The following U2AF2 variants were observed in gnomAD, a reference collection of about 807,000 sequenced individuals.
U2AF2 encodes the protein splicing factor U2AF 65 kDa subunit.
U2AF2 carries 6 observed loss-of-function variants against 52.6 expected under a neutral mutation model. The ratio of observed to expected loss-of-function variants is 0.11; its 90% CI spans 0.06 to 0.23. U2AF2 has a LOEUF of 0.23. Ranked by LOEUF, U2AF2 falls within the 10% of genes least tolerant of loss-of-function variation. The pLI is 1.00. For missense variants in U2AF2, 222 were observed against 677.1 expected, an observed-to-expected ratio of 0.33 and a Z score of 7.46; for synonymous variants, 284 against 258.2, an observed-to-expected ratio of 1.10 and a Z score of -0.96.
chr19:55,672,941 C>A (rs1985014520), intron 11 of U2AF2, among the ~76,000 whole-genome samples: 1 of 151,612 alleles, frequency 6.6e-6, no homozygotes, highest in South Asian at 2.1e-4. Context: ...CCGCGCCCGG[C>A]CAATAATTTT....
At chr19:55,662,690 T>C in intron 6 of U2AF2, 72 bp downstream of exon 6, 2 of 1,370,136 alleles carry the variant, frequency 1.5e-6, no homozygotes, top group East Asian at 2.3e-5. Flanking sequence ...GCTGATGTTG[T>C]GTGGAGCTGC....
At chr19:55,663,205 T>A (rs922237184) in intron 6 of U2AF2, among the ~76,000 whole-genome samples, 2 of 152,188 alleles carry the variant, frequency 1.3e-5, no homozygotes, top group African/African-American at 4.8e-5. Context: ...TCTCACTCTG[T>A]CTTTGCCTCA....
chr19:55,663,608 C>G lies in U2AF2; in HGVS notation c.606C>G (p.Phe202Leu). The G allele has an allele frequency of 6.2e-7, 1 of 1,614,000 alleles. No homozygotes were observed. The highest frequency in any genetic ancestry group is 8.5e-7 in the Non-Finnish European group (1 of 1,179,926). Residue 202 changes from phenylalanine (F) to leucine (L), a missense_variant and splice_region_variant, in exon 7 of 12, where the codon TTC becomes TTG. Transcript: ENST00000308924. ...NQDKNFAFLE[F>L]RSVDETTQAM... ...CCACTCCTTTCTCTTTCATTCAGTT[C>G]CGCTCAGTGGACGAGACTACCCAGG...
intron 4 of U2AF2, 101 bp from the exon 5 acceptor site, chr19:55,660,937 A>G: frequency 6.7e-7 from 1 of 1,484,434 alleles, no homozygotes; most frequent in South Asian, 1.4e-5. Flanking sequence ...GAGAGCCTGT[A>G]GGAGCTTTCT....
chr19:55,667,487 A>G (rs1234137460), intron 7 of U2AF2, among the ~76,000 whole-genome samples: 1 of 152,102 alleles, frequency 6.6e-6, no homozygotes, highest in African/African-American at 2.4e-5. Flanking sequence ...GAATCATCCC[A>G]CCAGCAGGCA....
At chr19:55,666,469 A>AC (rs1984556738) in intron 7 of U2AF2, among the ~76,000 whole-genome samples, 1 of 152,016 alleles carries the variant, frequency 6.6e-6, no homozygotes, top group Non-Finnish European at 1.5e-5. Context: ...ACAGCGGCTG[A>AC]CCCCACTGAC....
At chr19:55,672,166 T>C (rs968946255) in intron 11 of U2AF2, 2 of 152,144 alleles carry the variant, frequency 1.3e-5, no homozygotes, top group African/African-American at 2.4e-5. Flanking sequence ...TGTATTGTTT[T>C]ATTCTTAAAT....
chr19:55,657,433 T>C (rs1397105869), intron 1 of U2AF2, among the ~76,000 whole-genome samples: 1 of 152,228 alleles, frequency 6.6e-6, no homozygotes, highest in Non-Finnish European at 1.5e-5. Context: ...CTGCTACCTG[T>C]ATCTACAGGG....
intron 11 of U2AF2, 108 bp downstream of exon 11, chr19:55,669,800 C>G (rs114185454): frequency 1.4e-6 from 2 of 1,427,012 alleles, no homozygotes; most frequent in East Asian, 5.0e-5. Flanking sequence ...CTCTTCTCCG[C>G]GCGCTCTTTC....
At chr19:55,662,242 G>A (rs906685549) in intron 5 of U2AF2, 3 of 378,574 alleles carry the variant, frequency 7.9e-6, no homozygotes, top group Non-Finnish European at 1.4e-5. Context: ...GGCCCCTGTG[G>A]CTGTCCCCCA....
At chr19:55,658,323 C>T (rs1267749286) in intron 1 of U2AF2, among the ~76,000 whole-genome samples, 1 of 135,334 alleles carries the variant, frequency 7.4e-6, no homozygotes, top group Non-Finnish European at 1.6e-5. Flanking sequence ...ATGGTTTATC[C>T]TCCATCTTGA....
rs139894194 is a variant in U2AF2, at chr19:55,667,438, C to T, written c.743-1069C>T. The stretch of plus-strand genomic sequence containing the variant: ...GCATAGCTGATATCTGACAGGACGG[C>T]GTCAAGTTACATTGGCAGAGCCTGT... On this transcript the variant is annotated intron_variant, in intron 7 of 11. Transcript: ENST00000308924. Among the ~76,000 whole-genome samples the T allele has an allele frequency of 3.8e-3, 578 of 152,186 alleles. 3 individuals carry two copies. The highest frequency in any genetic ancestry group is 0.013 in the African/African-American group (550 of 41,512).
intron 1 of U2AF2, among the ~76,000 whole-genome samples, chr19:55,657,233 A>G (rs569441614): frequency 2.6e-5 from 4 of 152,330 alleles, no homozygotes; most frequent in African/African-American, 4.8e-5. Flanking sequence ...AGCTGCTCCC[A>G]TAAGATGACC....
At position 55,669,001 on chromosome 19, in the gene U2AF2, C is replaced by T. The variant is rs1227239889; in HGVS notation, c.946-82C>T. ...TTCCCCTCTTCCCCCACCAATGCCCCGGCTTGGGGGTAGGTGTCGGGCTCC... is the reference window on the plus strand; with the variant it reads ...TTCCCCTCTTCCCCCACCAATGCCCTGGCTTGGGGGTAGGTGTCGGGCTCC... On this transcript the variant is annotated intron_variant, in intron 9 of 11. Coordinates refer to ENST00000308924, the MANE Select transcript of U2AF2 (RefSeq NM_007279.3). The T allele has an allele frequency of 7.6e-5, 116 of 1,528,868 alleles. No individual in the cohort carries two copies. In the East Asian group the frequency reaches 8.2e-4, roughly 11 times the overall value. 94.7% of individuals were successfully genotyped at this position (1,528,868 alleles called of 1,614,324 possible). A position where few individuals can be genotyped will look rare whatever the true frequency, so the allele number is the denominator to read the frequency against.
intron 2 of U2AF2, 84 bp from the exon 3 acceptor site, chr19:55,660,093 C>T: frequency 2.2e-6 from 3 of 1,377,192 alleles, no homozygotes; most frequent in Non-Finnish European, 3.0e-6. Flanking sequence ...CCCTGGGGCT[C>T]AGTGCCCTTG....
At position 55,674,114 on chromosome 19, in the gene U2AF2, C is replaced by A; in HGVS notation, c.*46C>A. 1 of 1,539,820 alleles carries A rather than the reference C, an allele frequency of 6.5e-7. No individual in the cohort carries two copies. Among genetic ancestry groups the A allele is most frequent in the Non-Finnish European group, 8.7e-7 (1 of 1,143,942 alleles). ...GGGCAGGGCTGGCTGGGGGCTTCTC[C>A]CCACTCCCGCCCCCCCCTTATCCCC... On this transcript the variant is annotated 3_prime_UTR_variant, in exon 12 of 12. Transcript: ENST00000308924.
intron 11 of U2AF2, among the ~76,000 whole-genome samples, chr19:55,672,751 CAG>C (rs1242534191): frequency 1.4e-5 from 2 of 143,258 alleles, no homozygotes; most frequent in African/African-American, 5.3e-5. Context: ...TTTTTTGAGA[CAG>C]AGTCTCGCTG....
At chr19:55,662,651 C>G (rs763413574) in intron 6 of U2AF2, 33 bp downstream of exon 6, 1 of 1,585,542 alleles carries the variant, frequency 6.3e-7, no homozygotes, top group Non-Finnish European at 8.7e-7. Flanking sequence ...GTCCAGGAAA[C>G]GTGTGTGATG....
intron 1 of U2AF2, among the ~76,000 whole-genome samples, chr19:55,655,954 TACTC>T (rs777261979): frequency 2.0e-5 from 3 of 152,218 alleles, no homozygotes; most frequent in Non-Finnish European, 2.9e-5. Context: ...CACCTGATAA[TACTC>T]AGTCTCAGAT....
Sources: allele counts gnomAD v4.1 joint callset (sites outside exome capture counted in the v4.1 genomes callset), GRCh38; gene constraint gnomAD v4.1.1; transcripts MANE v1.5; gene names NCBI Gene and HGNC (gene_info 2026-07-23, HGNC 2026-07-21).